DENND1A: variants seen among roughly 807,000 people sequenced by gnomAD.
The protein encoded by DENND1A is DENN domain-containing protein 1A.
DENND1A carries 51 observed loss-of-function variants against 113.7 expected under a neutral mutation model. The observed-to-expected ratio is 0.45, with a 90% CI of 0.36 to 0.57. The LOEUF (loss-of-function observed/expected upper bound fraction) is 0.57, where lower values mean the gene tolerates loss of function less well. DENND1A is among the 20% of genes least tolerant of loss of function. The pLI is 0.00. For missense variants in DENND1A, 1,258 were observed against 1,395.9 expected (o/e 0.90, Z 1.57); for synonymous variants, 565 against 570.8 (o/e 0.99, Z 0.14).
At chr9:123,462,813 C>CA (rs973364973) in intron 13 of DENND1A, among the ~76,000 whole-genome samples, 6 of 151,694 alleles carry the variant, frequency 4.0e-5, no homozygotes, top group South Asian at 2.1e-4. Context: ...ATAAAAACAA[C>CA]AAAAAAAATA....
chr9:123,894,433 A>C (rs1284032222), intron 1 of DENND1A, among the ~76,000 whole-genome samples: 1 of 152,224 alleles, frequency 6.6e-6, no homozygotes, highest in Non-Finnish European at 1.5e-5. Flanking sequence ...AAGGAGACAA[A>C]ACATAAAATG....
intron 13 of DENND1A, among the ~76,000 whole-genome samples, chr9:123,530,868 AG>A (rs1215073161): frequency 6.6e-5 from 10 of 152,348 alleles, no homozygotes; most frequent in African/African-American, 1.9e-4. Context: ...TAAAATAAAT[AG>A]AACCATTATA....
intron 1 of DENND1A, among the ~76,000 whole-genome samples, chr9:123,900,567 C>T (rs976834943): frequency 2.0e-5 from 3 of 152,174 alleles, no homozygotes; most frequent in African/African-American, 7.2e-5. Flanking sequence ...GGAATCTACA[C>T]GTGTGATTAA....
chr9:123,498,330 A>G (rs2052133799), intron 13 of DENND1A, among the ~76,000 whole-genome samples: 1 of 152,176 alleles, frequency 6.6e-6, no homozygotes, highest in African/African-American at 2.4e-5. Context: ...AGGCTCAGGG[A>G]AGTAACTTGT....
At chr9:123,742,437 T>C (rs1200959935) in intron 5 of DENND1A, among the ~76,000 whole-genome samples, 1 of 152,196 alleles carries the variant, frequency 6.6e-6, no homozygotes, top group Non-Finnish European at 1.5e-5. Flanking sequence ...AAGCTGTAAG[T>C]AGTACAAATT....
chr9:123,428,707 C>G (rs1166684432), intron 19 of DENND1A, among the ~76,000 whole-genome samples: 1 of 152,222 alleles, frequency 6.6e-6, no homozygotes, highest in East Asian at 1.9e-4. Context: ...AGCAAAGTCT[C>G]AGGATACAAA....
chr9:123,610,108 C>G (rs556178244), intron 10 of DENND1A, among the ~76,000 whole-genome samples: 1 of 152,194 alleles, frequency 6.6e-6, no homozygotes, highest in African/African-American at 2.4e-5. Context: ...GCTTCATTCA[C>G]GGAGCCACGG....
Position 123,454,742 on chromosome 9 carries a change from G to C in DENND1A, c.1224C>G (p.Val408=), listed in dbSNP as rs1048524523. The change falls in exon 16 of 24, where the codon GTC becomes GTG. Residue 408 remains valine (V), a synonymous_variant. Transcript: ENST00000394215. The part of the protein sequence containing the change: ...DKLYHQWLST[V]RKGSGAILNT... ...TCTGAATTGGGTGCATGCTTACCCG[G>C]ACAGTGGAGAGCCACTGATGGTACA... 1 of 1,554,812 alleles carries C rather than the reference G, an allele frequency of 6.4e-7. No individual in the cohort carries two copies. Among genetic ancestry groups the C allele is most frequent in the Non-Finnish European group, 8.7e-7 (1 of 1,148,418 alleles).
At chr9:123,706,187 AG>A (rs1394198911) in intron 5 of DENND1A, among the ~76,000 whole-genome samples, 5 of 141,428 alleles carry the variant, frequency 3.5e-5, no homozygotes, top group African/African-American at 1.4e-4. Context: ...TCTGTAGCCC[AG>A]GCCGGACTGC....
At chr9:123,779,785 G>A (rs775430359) in intron 3 of DENND1A, among the ~76,000 whole-genome samples, 2 of 152,162 alleles carry the variant, frequency 1.3e-5, no homozygotes, top group South Asian at 2.1e-4. Flanking sequence ...CTGAAAAGCA[G>A]CCTGGTATTC....
intron 8 of DENND1A, among the ~76,000 whole-genome samples, chr9:123,662,938 C>T (rs2063318860): frequency 6.6e-6 from 1 of 151,856 alleles, no homozygotes; most frequent in African/African-American, 2.4e-5. Flanking sequence ...ATAGGAAAAT[C>T]AATAAGTGAT....
intron 8 of DENND1A, among the ~76,000 whole-genome samples, chr9:123,664,532 A>T (rs1292129934): frequency 6.6e-6 from 1 of 151,850 alleles, no homozygotes; most frequent in Non-Finnish European, 1.5e-5. Context: ...CTTGAAAGTC[A>T]AGTTCATTGT....
At position 123,749,745 on chromosome 9, in the gene DENND1A, C is replaced by T. The variant is rs917044255; in HGVS notation, c.302+7958G>A. On this transcript the variant is annotated intron_variant, in intron 5 of 23. Transcript: ENST00000394215. Reference sequence around the variant, plus strand: ...GAGGTAGCAAGATGATTGAAGAATGCGGGGGTGGGTAGAGAGCAAAAAACA... The same window carrying T: ...GAGGTAGCAAGATGATTGAAGAATGTGGGGGTGGGTAGAGAGCAAAAAACA... Among the ~76,000 whole-genome samples, 4 of 152,092 alleles carry T rather than the reference C, an allele frequency of 2.6e-5. No individual in the cohort carries two copies. The South Asian group carries it at 6.2e-4, about 24-fold the overall frequency.
intron 5 of DENND1A, among the ~76,000 whole-genome samples, chr9:123,753,333 A>G (rs1300316299): frequency 6.6e-6 from 1 of 152,224 alleles, no homozygotes; most frequent in Non-Finnish European, 1.5e-5. Context: ...AACAGAAAAT[A>G]AAAAGGAACC....
At chr9:123,768,241 A>T (rs1202317584) in intron 4 of DENND1A, among the ~76,000 whole-genome samples, 2 of 152,206 alleles carry the variant, frequency 1.3e-5, no homozygotes, top group African/African-American at 4.8e-5. Flanking sequence ...TTAAGAAAAA[A>T]TAAAATGTTA....
At chr9:123,677,235 C>G (rs2064139216) in intron 5 of DENND1A, among the ~76,000 whole-genome samples, 1 of 152,160 alleles carries the variant, frequency 6.6e-6, no homozygotes, top group African/African-American at 2.4e-5. Flanking sequence ...CCAATGCCCC[C>G]ATGAGCCCAA....
intron 5 of DENND1A, among the ~76,000 whole-genome samples, chr9:123,711,513 G>GTGTATATATATATATA (rs1369120234): frequency 8.3e-6 from 1 of 120,980 alleles, no homozygotes; most frequent in Non-Finnish European, 1.7e-5. Flanking sequence ...ATGTATATAT[G>GTGTATATATATATATA]TATATATATA....
chr9:123,609,864 G>A (rs1462668609), intron 10 of DENND1A, among the ~76,000 whole-genome samples: 2 of 152,204 alleles, frequency 1.3e-5, no homozygotes, highest in African/African-American at 4.8e-5. Context: ...TAATACAGAT[G>A]GGAACGATTA....
intron 23 of DENND1A, among the ~76,000 whole-genome samples, chr9:123,382,889 A>G (rs111933170): frequency 2.6e-5 from 4 of 152,360 alleles, no homozygotes; most frequent in African/African-American, 9.6e-5. Flanking sequence ...GAGTTTTAGG[A>G]AAGTGACTCC....
Sources: allele counts gnomAD v4.1 joint callset (sites outside exome capture counted in the v4.1 genomes callset), GRCh38; gene constraint gnomAD v4.1.1; transcripts MANE v1.5; gene names NCBI Gene and HGNC (gene_info 2026-07-23, HGNC 2026-07-21).